The following ASH1L variants were observed in gnomAD, a reference collection of about 807,000 sequenced individuals.
ASH1L encodes the protein histone-lysine N-methyltransferase ASH1L.
A neutral mutation model predicts 269.0 loss-of-function variants in ASH1L; 23 were observed. The observed-to-expected ratio is 0.09, with a 90% CI of 0.06 to 0.12. The LOEUF is 0.12. Ranked by LOEUF, ASH1L falls within the 10% of genes least tolerant of loss-of-function variation. ASH1L has a pLI of 1.00. For synonymous variants in ASH1L, 1,187 were observed against 1,253.5 expected (o/e 0.95, Z 1.12); for missense variants, 2,912 against 3,567.8 (o/e 0.82, Z 4.68).
At chr1:155,542,076 C>T (rs905553445) in intron 1 of ASH1L, among the ~76,000 whole-genome samples, 14 of 151,882 alleles carry the variant, frequency 9.2e-5, no homozygotes, top group Admixed American at 4.6e-4. Flanking sequence ...GCAAAGTTAA[C>T]GTAGATCAAA....
intron 25 of ASH1L, 96 bp downstream of exon 25, chr1:155,341,837 TGAA>T: frequency 7.9e-7 from 1 of 1,270,072 alleles, no homozygotes. Flanking sequence ...GGAATTTGGA[TGAA>T]GAAGCAGAGA....
Position 155,343,738 on chromosome 1 carries a change from G to A in ASH1L, c.7986C>T (p.Asp2662=), listed in dbSNP as rs1254437444. Residue 2662 remains aspartate (D), a synonymous_variant, in exon 23 of 28, where the codon GAC becomes GAT. Coordinates refer to ENST00000392403, the MANE Select transcript of ASH1L (RefSeq NM_018489.3). The surrounding 1 kb of genome is among the most constrained non-coding windows in gnomAD (Gnocchi z 6.1). ...GACTATCCCTCATCAGATACACACA[G>A]TCACCTAGGAAGACCCAGAACACAG... ...LRDDLLLRQG[D]CVYLMRDSRR... 6.2e-7 allele frequency: 1 copy of A among 1,613,884 alleles called. No homozygotes were observed. The highest frequency in any genetic ancestry group is 1.3e-5 in the African/African-American group (1 of 75,002).
intron 5 of ASH1L, among the ~76,000 whole-genome samples, chr1:155,431,118 G>A (rs1319404273): frequency 6.6e-6 from 1 of 152,002 alleles, no homozygotes; most frequent in Non-Finnish European, 1.5e-5. Flanking sequence ...GGCTGAGGCA[G>A]GAAAATCGCT....
chr1:155,341,878 T>G (rs756984664), intron 25 of ASH1L, 58 bp downstream of exon 25: 73 of 1,563,064 alleles, frequency 4.7e-5, no homozygotes, highest in Admixed American at 1.4e-4. Context: ...GCTCAGTGAA[T>G]TTCATGCATG....
chr1:155,400,260 A>G (rs1658715098), intron 6 of ASH1L, among the ~76,000 whole-genome samples: 2 of 151,714 alleles, frequency 1.3e-5, no homozygotes, highest in African/African-American at 2.4e-5. Flanking sequence ...TGAATCTAGG[A>G]GGCAGAGGTT....
chr1:155,422,287 C>T (rs1422956399), intron 5 of ASH1L, among the ~76,000 whole-genome samples: 1 of 150,104 alleles, frequency 6.7e-6, no homozygotes, highest in East Asian at 1.9e-4. Context: ...CAGGGTCACA[C>T]CACCACGCCC....
chr1:155,473,616 C>T (rs1419341017), intron 3 of ASH1L, among the ~76,000 whole-genome samples: 1 of 151,674 alleles, frequency 6.6e-6, no homozygotes, highest in Non-Finnish European at 1.5e-5. Context: ...CTTGCCACAG[C>T]CTCCTGAGTA....
chr1:155,452,918 G>A (rs1428461530), intron 4 of ASH1L, among the ~76,000 whole-genome samples: 1 of 152,178 alleles, frequency 6.6e-6, no homozygotes, highest in Non-Finnish European at 1.5e-5. Context: ...TTGGTAGTCA[G>A]AGTTCAAATG....
chr1:155,461,802 G>GTTTTT (rs398053426), intron 3 of ASH1L, among the ~76,000 whole-genome samples: 1 of 127,118 alleles, frequency 7.9e-6, no homozygotes, highest in African/African-American at 2.9e-5. Flanking sequence ...GGGTTTGAGG[G>GTTTTT]TTTTTTTTTT....
intron 2 of ASH1L, among the ~76,000 whole-genome samples, chr1:155,501,114 A>C (rs1323922075): frequency 6.6e-6 from 1 of 152,260 alleles, no homozygotes; most frequent in Non-Finnish European, 1.5e-5. Flanking sequence ...ACTTGGGTTC[A>C]TATGGTACCA....
chr1:155,371,365 T>C (rs1315559936), intron 10 of ASH1L, among the ~76,000 whole-genome samples: 1 of 152,014 alleles, frequency 6.6e-6, no homozygotes, highest in Non-Finnish European at 1.5e-5. Context: ...CTGGCCAACA[T>C]GGTGAAACCC....
Position 155,481,251 on chromosome 1 carries a change from A to G in ASH1L, c.1619T>C (p.Val540Ala), listed in dbSNP as rs1328508381. ...PDFKMGGASDVSTAKSPFSAV... is the reference protein window; with the variant it reads ...PDFKMGGASDASTAKSPFSAV... ...ACTGAATGGGGATTTAGCGGTAGAT[A>G]CATCAGAAGCACCTCCCATTTTAAA... is the stretch of plus-strand genomic sequence containing the variant. The change falls in exon 3 of 28, where the codon GTA becomes GCA. Residue 540 changes from valine to alanine, a missense_variant. By Grantham distance (64) the Val-to-Ala change is moderately conservative. Coordinates refer to ENST00000392403, the MANE Select transcript of ASH1L (RefSeq NM_018489.3). 2 of 1,614,048 alleles carry G rather than the reference A, an allele frequency of 1.2e-6. No homozygotes were observed. The highest frequency in any genetic ancestry group is 1.1e-5 in the South Asian group (1 of 91,082).
chr1:155,478,142 C>A lies in ASH1L; in HGVS notation c.4728G>T (p.Gln1576His). 1 of 1,614,038 alleles carries A rather than the reference C, an allele frequency of 6.2e-7. No individual in the cohort carries two copies. Among genetic ancestry groups the A allele is most frequent in the Non-Finnish European group, 8.5e-7 (1 of 1,180,030 alleles). ...PLALGLQTPL[Q>H]IDCSESSPSL... Reference sequence around the variant, plus strand: ...TTGGAGAACTTTCTGAACAGTCAATCTGTAAAGGTGTCTGCAATCCCAAGG... The same window carrying A: ...TTGGAGAACTTTCTGAACAGTCAATATGTAAAGGTGTCTGCAATCCCAAGG... The change falls in exon 3 of 28, where the codon CAG (glutamine) becomes CAT (histidine). Residue 1576 changes from glutamine to histidine, a missense_variant. Gln to His is a conservative substitution (Grantham distance 24, BLOSUM62 0). Coordinates refer to ENST00000392403, the MANE Select transcript of ASH1L (RefSeq NM_018489.3). The surrounding 1 kb of genome is among the most constrained non-coding windows in gnomAD (Gnocchi z 4.6).
intron 12 of ASH1L, among the ~76,000 whole-genome samples, chr1:155,365,309 G>C (rs1412344924): frequency 6.6e-6 from 1 of 151,498 alleles, no homozygotes; most frequent in Non-Finnish European, 1.5e-5. Flanking sequence ...GGGTTCAAGC[G>C]ATTCTCCTGC....
rs192013920 is a variant in ASH1L at position 155,424,290 on chromosome 1, T to C, written c.5829-8367A>G. 3.5e-4 allele frequency among the ~76,000 whole-genome samples: 54 copies of C among 152,294 alleles called. 2 individuals carry two copies. In the East Asian group the frequency reaches 7.1e-3, roughly 20 times the overall value. ...ATTTACTGGAGAGATTCCAGTAAAC[T>C]GCTCACTTGGAGATGATTAGTGTCA... On this transcript the variant is annotated intron_variant, in intron 5 of 27. Transcript: ENST00000392403.
intron 1 of ASH1L, among the ~76,000 whole-genome samples, chr1:155,561,275 A>G (rs1671946028): frequency 6.7e-6 from 1 of 148,562 alleles, no homozygotes; most frequent in Admixed American, 6.9e-5. Flanking sequence ...ACTTTGTAGT[A>G]ATGATTCTGT....
chr1:155,457,001 T>C (rs755759592), intron 4 of ASH1L, among the ~76,000 whole-genome samples: 1 of 152,192 alleles, frequency 6.6e-6, no homozygotes, highest in South Asian at 2.1e-4. Flanking sequence ...AGCCACTTAG[T>C]GCTTTACTAT....
chr1:155,495,195 G>A (rs1161528852), intron 2 of ASH1L, among the ~76,000 whole-genome samples: 1 of 152,116 alleles, frequency 6.6e-6, no homozygotes, highest in East Asian at 1.9e-4. Context: ...AGTGAAGTGG[G>A]GTGACAGCTA....
At chr1:155,497,788 G>A (rs1048159213) in intron 2 of ASH1L, among the ~76,000 whole-genome samples, 2 of 149,276 alleles carry the variant, frequency 1.3e-5, no homozygotes, top group South Asian at 2.1e-4. Context: ...TCACTCTGTC[G>A]CTCAGGCTGG....
Sources: allele counts gnomAD v4.1 joint callset (sites outside exome capture counted in the v4.1 genomes callset), GRCh38; gene constraint gnomAD v4.1.1; non-coding constraint Gnocchi (gnomAD v3.1); transcripts MANE v1.5; gene names NCBI Gene and HGNC (gene_info 2026-07-23, HGNC 2026-07-21).